The following DLG2 variants were observed in gnomAD, a reference collection of about 807,000 sequenced individuals.
The protein encoded by DLG2 is disks large homolog 2.
DLG2 carries 45 observed loss-of-function variants against 132.5 expected under a neutral mutation model. That is an observed-to-expected ratio of 0.34 (90% CI 0.27 to 0.44). DLG2 has a LOEUF of 0.44. Ranked by LOEUF, DLG2 falls within the 20% of genes least tolerant of loss-of-function variation. The probability of loss-of-function intolerance (pLI) is 1.00; values close to 1 mark genes in which losing one functional copy is unlikely to be tolerated. For synonymous variants in DLG2, 424 were observed against 419.6 expected (o/e 1.01, Z -0.13); for missense variants, 1,045 against 1,196.9 (o/e 0.87, Z 1.87).
chr11:85,017,085 T>G (rs2059637907), intron 6 of DLG2, among the ~76,000 whole-genome samples: 1 of 152,202 alleles, frequency 6.6e-6, no homozygotes, highest in South Asian at 2.1e-4. Flanking sequence ...ACAGATATCT[T>G]ATGGTCCTCA....
chr11:83,998,757 C>T (rs2094180089), intron 11 of DLG2, among the ~76,000 whole-genome samples: 1 of 152,136 alleles, frequency 6.6e-6, no homozygotes, highest in Non-Finnish European at 1.5e-5. Flanking sequence ...GCAGCTACAG[C>T]AAGCCACCGT....
intron 3 of DLG2, among the ~76,000 whole-genome samples, chr11:85,577,094 T>A (rs560959845): frequency 6.6e-6 from 1 of 152,056 alleles, no homozygotes; most frequent in East Asian, 1.9e-4. Context: ...GGCCTTAGAG[T>A]AATAAGGACT....
chr11:85,555,166 C>A (rs2076871338), intron 3 of DLG2, among the ~76,000 whole-genome samples: 2 of 151,724 alleles, frequency 1.3e-5, no homozygotes, highest in Non-Finnish European at 2.9e-5. Context: ...ACCCATCAGG[C>A]AATTACATAA....
Position 83,872,704 on chromosome 11 carries a change from A to G in DLG2, c.1565+1716T>C, listed in dbSNP as rs1292219016. Among the ~76,000 whole-genome samples the G allele has an allele frequency of 3.3e-5, 5 of 152,352 alleles. No individual in the cohort carries two copies. In the South Asian group the frequency reaches 8.3e-4, roughly 25 times the overall value. ...TAAGCTTTTGCTAATAAAAAGAAAG[A>G]AAACAAAAGTTTGGAGATAGCCTTA... On this transcript the variant is annotated intron_variant, in intron 16 of 27. Transcript: ENST00000376104.
At chr11:85,101,209 T>C (rs1353883604) in intron 6 of DLG2, among the ~76,000 whole-genome samples, 1 of 152,064 alleles carries the variant, frequency 6.6e-6, no homozygotes, top group Non-Finnish European at 1.5e-5. Flanking sequence ...CAATGTCCTC[T>C]CTTGAATTTC....
chr11:83,496,436 G>A (rs1395368797), intron 21 of DLG2, among the ~76,000 whole-genome samples: 6 of 151,986 alleles, frequency 3.9e-5, no homozygotes, highest in African/African-American at 1.2e-4. Context: ...TATAACTAAT[G>A]TATGACTTAG....
chr11:83,970,042 C>T (rs1006638742), intron 12 of DLG2, among the ~76,000 whole-genome samples: 5 of 151,384 alleles, frequency 3.3e-5, no homozygotes, highest in African/African-American at 1.2e-4. Flanking sequence ...GGTGGCATAA[C>T]ACAGGGGGAA....
chr11:83,597,624 CA>C (rs35302376), intron 19 of DLG2, among the ~76,000 whole-genome samples: 71 of 148,632 alleles, frequency 4.8e-4, no homozygotes, highest in South Asian at 4.3e-4. Flanking sequence ...ATCTCTACCC[CA>C]AAAAAAAAAA....
At chr11:83,971,408 AAG>A (rs758821745) in intron 12 of DLG2, among the ~76,000 whole-genome samples, 14 of 152,222 alleles carry the variant, frequency 9.2e-5, no homozygotes, top group Non-Finnish European at 1.9e-4. Flanking sequence ...CAGCTGAAGA[AAG>A]AGGTGCCAGG....
chr11:85,374,265 G>GA (rs1261475291), intron 3 of DLG2, among the ~76,000 whole-genome samples: 8 of 151,756 alleles, frequency 5.3e-5, no homozygotes, highest in South Asian at 2.1e-4. Context: ...TGAACTGGGA[G>GA]AAAAAAAACA....
intron 2 of DLG2, among the ~76,000 whole-genome samples, chr11:85,605,940 T>C (rs1231553509): frequency 6.6e-6 from 1 of 151,924 alleles, no homozygotes; most frequent in Non-Finnish European, 1.5e-5. Context: ...ATCGTGCCAC[T>C]GCACTCCAGC....
At chr11:84,681,542 G>C (rs954882923) in intron 6 of DLG2, among the ~76,000 whole-genome samples, 12 of 152,246 alleles carry the variant, frequency 7.9e-5, no homozygotes, top group African/African-American at 2.9e-4. Context: ...GTGGTTCCAA[G>C]GTCTCTTAAT....
intron 3 of DLG2, among the ~76,000 whole-genome samples, chr11:85,498,576 A>C (rs887299450): frequency 6.6e-6 from 1 of 152,128 alleles, no homozygotes; most frequent in South Asian, 2.1e-4. Context: ...TGCACCAAGC[A>C]GACCTAATAG....
At chr11:85,354,369 C>T (rs190208157) in intron 3 of DLG2, among the ~76,000 whole-genome samples, 52 of 152,234 alleles carry the variant, frequency 3.4e-4, no homozygotes, top group Admixed American at 3.0e-3. Flanking sequence ...TATATAATCA[C>T]TCAAAACTCA....
At chr11:85,021,059 G>A in intron 6 of DLG2, 2 of 772,986 alleles carry the variant, frequency 2.6e-6, no homozygotes, top group Non-Finnish European at 2.4e-6. Flanking sequence ...GGTTTCCCAG[G>A]AGAGAATCCA....
intron 3 of DLG2, among the ~76,000 whole-genome samples, chr11:85,478,595 C>T (rs994480109): frequency 3.9e-5 from 6 of 152,164 alleles, no homozygotes; most frequent in African/African-American, 1.4e-4. Context: ...TGACCTTGAA[C>T]AATTTATTTC....
intron 6 of DLG2, among the ~76,000 whole-genome samples, chr11:84,808,435 C>T (rs759039727): frequency 6.6e-6 from 1 of 151,638 alleles, no homozygotes; most frequent in African/African-American, 2.4e-5. Context: ...TAAAATAAAA[C>T]CAACGCGAAC....
At chr11:85,270,446 A>C (rs2077460732) in intron 4 of DLG2, among the ~76,000 whole-genome samples, 1 of 152,210 alleles carries the variant, frequency 6.6e-6, no homozygotes, top group Non-Finnish European at 1.5e-5. Flanking sequence ...TATCAGCAGC[A>C]TGAAAACAAG....
chr11:84,813,844 C>T (rs1333024723), intron 6 of DLG2, among the ~76,000 whole-genome samples: 1 of 134,658 alleles, frequency 7.4e-6, no homozygotes, highest in African/African-American at 2.8e-5. Flanking sequence ...TCTCAGTACC[C>T]CAGTGTTAAT....
Sources: allele counts gnomAD v4.1 joint callset (sites outside exome capture counted in the v4.1 genomes callset), GRCh38; gene constraint gnomAD v4.1.1; transcripts MANE v1.5; gene names NCBI Gene and HGNC (gene_info 2026-07-23, HGNC 2026-07-21).